The following DENND4C variants were observed in gnomAD, a reference collection of about 807,000 sequenced individuals.
The protein encoded by DENND4C is DENN domain containing 4C.
A neutral mutation model predicts 203.0 loss-of-function variants in DENND4C; 108 were observed. The observed-to-expected ratio is 0.53, with a 90% CI of 0.46 to 0.62. The LOEUF (loss-of-function observed/expected upper bound fraction) is 0.62, where lower values mean the gene tolerates loss of function less well. Among genes scored for constraint, DENND4C ranks in the 20% least tolerant of loss-of-function variants. DENND4C has a pLI of 0.00. For missense variants in DENND4C, 2,481 were observed against 2,301.2 expected (o/e 1.08, Z -1.60); for synonymous variants, 871 against 792.4 (o/e 1.10, Z -1.67).
intron 12 of DENND4C, among the ~76,000 whole-genome samples, chr9:19,321,508 G>GT (rs1842873411): frequency 6.7e-6 from 1 of 150,168 alleles, no homozygotes; most frequent in South Asian, 2.1e-4. Flanking sequence ...TTTTGTTTTT[G>GT]TTTTTTAGAT....
Position 19,298,038 on chromosome 9 carries a change from T to C in DENND4C, c.1041-18T>C, listed in dbSNP as rs1837810863. The C allele has an allele frequency of 6.3e-7, 1 of 1,584,802 alleles. No homozygotes were observed. The highest frequency in any genetic ancestry group is 8.6e-7 in the Non-Finnish European group (1 of 1,160,088). ...TAGAAAAGTAATTATTATATTTATTTCAAATTTTTTTTTCTAGGCACATTT... is the reference window on the plus strand; with the variant it reads ...TAGAAAAGTAATTATTATATTTATTCCAAATTTTTTTTTCTAGGCACATTT... On this transcript the variant is annotated intron_variant, in intron 6 of 32. Coordinates refer to ENST00000434457, the MANE Select transcript of DENND4C (RefSeq NM_001330640.2).
intron 27 of DENND4C, chr9:19,357,763 C>T (rs1825713164): frequency 8.5e-6 from 4 of 472,324 alleles, no homozygotes; most frequent in Non-Finnish European, 1.5e-5. Flanking sequence ...TCCCACCCCT[C>T]ACCAGAACCA....
chr9:19,325,178 G>A (rs191260638), intron 13 of DENND4C, among the ~76,000 whole-genome samples: 19 of 152,054 alleles, frequency 1.2e-4, no homozygotes, highest in Admixed American at 1.2e-3. Context: ...AGTTTTATGG[G>A]TAATAGAAGT....
intron 12 of DENND4C, among the ~76,000 whole-genome samples, chr9:19,320,695 C>T (rs1246648631): frequency 6.6e-6 from 1 of 152,292 alleles, no homozygotes; most frequent in South Asian, 2.1e-4. Flanking sequence ...CTTCCTATTG[C>T]ATCATCTTAT....
chr9:19,334,959 ATTTTT>A lies in DENND4C; in HGVS notation c.2461-10_2461-6del. ...ATTAGTATACTAATTACTGACACTG[ATTTTT>A]TTTTTTTGTTAGGTGTGCTATCGAG... On this transcript the variant is annotated splice_polypyrimidine_tract_variant and intron_variant, in intron 17 of 32. Transcript: ENST00000434457. 2 of 1,206,692 alleles carry A rather than the reference ATTTTT, an allele frequency of 1.7e-6. No individual in the cohort carries two copies. Among genetic ancestry groups the A allele is most frequent in the South Asian group, 1.5e-5 (1 of 66,250 alleles). 74.7% of individuals were successfully genotyped at this position (1,206,692 alleles called of 1,614,324 possible).
Position 19,254,468 on chromosome 9 carries a change from A to G in DENND4C, c.-17-21690A>G, listed in dbSNP as rs139706127. 4.7e-3 allele frequency among the ~76,000 whole-genome samples: 720 copies of G among 152,318 alleles called. 4 individuals carry two copies. Among genetic ancestry groups the G allele is most frequent in the South Asian group, 0.019 (93 of 4,826 alleles). ...GGATGAAACTGGGAGATATTATGCT[A>G]AGTGAAATAAGCCAGATACAGAAAG... is the stretch of plus-strand genomic sequence containing the variant. On this transcript the variant is annotated intron_variant, in intron 1 of 32. Transcript: ENST00000434457.
In DENND4C at chr9:19,288,565, CT is replaced by C. The variant is rs1564122070; in HGVS notation, c.559-25del. 4.9e-6 allele frequency: 6 copies of C among 1,212,258 alleles called. No homozygotes were observed. The East Asian group carries it at 1.3e-4, about 26-fold the overall frequency. The allele number at this position is 1,212,258 out of a possible 1,614,324, so 75.1% of individuals were successfully genotyped here. On this transcript the variant is annotated intron_variant, in intron 3 of 32. Transcript: ENST00000434457. ...AATCAATTTCTTTTCACTCTTTTGT[CT>C]TTTTTATAAACCTAATTCATGTTTT...
intron 9 of DENND4C, among the ~76,000 whole-genome samples, chr9:19,304,582 G>T (rs937689411): frequency 6.6e-6 from 1 of 151,248 alleles, no homozygotes; most frequent in Middle Eastern, 3.4e-3. Context: ...TGTCACCCAG[G>T]CTGGAGTGCA....
intron 2 of DENND4C, among the ~76,000 whole-genome samples, chr9:19,282,034 T>C (rs924604332): frequency 5.9e-5 from 9 of 152,198 alleles, no homozygotes; most frequent in Non-Finnish European, 2.9e-5. Flanking sequence ...GCCTAGGACA[T>C]TACTGTATAC....
Position 19,358,228 on chromosome 9 carries a change from A to G in DENND4C, c.5160+68A>G. 1 of 1,285,336 alleles carries G rather than the reference A, an allele frequency of 7.8e-7. No homozygotes were observed. The highest frequency in any genetic ancestry group is 1.1e-6 in the Non-Finnish European group (1 of 945,462). 79.6% of individuals were successfully genotyped at this position (1,285,336 alleles called of 1,614,324 possible). ...CTAAGTATATAGTAGAACATTATAA[A>G]TTCTTCTGTAGTGGACTTATTTTAA... is the stretch of plus-strand genomic sequence containing the variant. On this transcript the variant is annotated intron_variant, in intron 28 of 32. Transcript: ENST00000434457. The surrounding 1 kb of genome is among the most constrained non-coding windows in gnomAD (Gnocchi z 4.8).
At chr9:19,356,931 G>C in intron 26 of DENND4C, 41 bp from the exon 27 acceptor site, 3 of 1,565,278 alleles carry the variant, frequency 1.9e-6, no homozygotes, top group Non-Finnish European at 1.7e-6. Context: ...GAAAACTTGA[G>C]GATTTTTAAA....
chr9:19,314,839 A>G (rs1297308158), intron 10 of DENND4C, among the ~76,000 whole-genome samples: 1 of 152,022 alleles, frequency 6.6e-6, no homozygotes, highest in Non-Finnish European at 1.5e-5. Flanking sequence ...ACTTAGGTAA[A>G]GGGCTTACAA....
At chr9:19,316,198 A>G (rs765361153) in intron 10 of DENND4C, among the ~76,000 whole-genome samples, 5 of 152,200 alleles carry the variant, frequency 3.3e-5, no homozygotes, top group Non-Finnish European at 5.9e-5. Flanking sequence ...CATTGAAAAT[A>G]TATGTTGGAA....
rs766340707 is a variant in DENND4C, at chr9:19,290,670, T to G, written c.629-34T>G. 288 of 1,327,590 alleles carry G rather than the reference T, an allele frequency of 2.2e-4. 1 individual carries two copies. Among genetic ancestry groups the G allele is most frequent in the Non-Finnish European group, 2.6e-4 (267 of 1,025,246 alleles). 82.2% of individuals were successfully genotyped at this position (1,327,590 alleles called of 1,614,324 possible). A position where few individuals can be genotyped will look rare whatever the true frequency, so the allele number is the denominator to read the frequency against. ...ATGCAATTTATGGAAAAGTAACTAT[T>G]TAAAAAATTTATTGTTGTCTCATTC... On this transcript the variant is annotated intron_variant, in intron 4 of 32. Transcript: ENST00000434457.
intron 1 of DENND4C, among the ~76,000 whole-genome samples, chr9:19,271,817 T>A (rs1831736580): frequency 6.8e-6 from 1 of 147,882 alleles, no homozygotes; most frequent in Non-Finnish European, 1.5e-5. Flanking sequence ...TGCGTTGAGT[T>A]GAGATCGCGC....
At chr9:19,257,065 G>C (rs574305801) in intron 1 of DENND4C, among the ~76,000 whole-genome samples, 3 of 146,596 alleles carry the variant, frequency 2.0e-5, no homozygotes. Context: ...GTGAGACTCC[G>C]TCTCAAAAAA....
intron 30 of DENND4C, among the ~76,000 whole-genome samples, chr9:19,363,151 T>G (rs1000439957): frequency 1.3e-5 from 2 of 152,218 alleles, no homozygotes; most frequent in Non-Finnish European, 2.9e-5. Flanking sequence ...CTTTTCTCTG[T>G]GTGTGTGCAT....
intron 30 of DENND4C, among the ~76,000 whole-genome samples, chr9:19,363,973 C>T (rs777677986): frequency 1.9e-4 from 29 of 151,840 alleles, no homozygotes; most frequent in African/African-American, 6.0e-4. Context: ...GAGATTGCGC[C>T]GTTGCACTCC....
At chr9:19,287,929 A>G (rs1261720027) in intron 3 of DENND4C, among the ~76,000 whole-genome samples, 1 of 151,858 alleles carries the variant, frequency 6.6e-6, no homozygotes, top group Non-Finnish European at 1.5e-5. Context: ...ATGAGGTTTC[A>G]CCATGTTGGT....
Sources: gnomAD v4.1 joint callset for allele counts (sites outside exome capture counted in the v4.1 genomes callset) on GRCh38, gnomAD v4.1.1 for gene constraint, Gnocchi (gnomAD v3.1) non-coding constraint, MANE v1.5 for transcripts, NCBI Gene and HGNC (gene_info 2026-07-23, HGNC 2026-07-21) for gene names.